PPL: variants seen among roughly 807,000 people sequenced by gnomAD.
PPL encodes the protein 190 kDa paraneoplastic pemphigus antigen.
Under a neutral mutation model 194.4 loss-of-function variants are expected in PPL, and 198 were observed. The observed-to-expected ratio is 1.02, with a 90% confidence interval of 0.91 to 1.15. PPL has a LOEUF of 1.15. Among genes scored for constraint, PPL ranks in the 50% most tolerant of loss-of-function variants. PPL has a pLI of 0.00. For synonymous variants in PPL, 1,220 were observed against 972.4 expected, an observed-to-expected ratio of 1.25 and a Z score of -4.74; for missense variants, 2,885 against 2,294.8, an observed-to-expected ratio of 1.26 and a Z score of -5.25.
chr16:4,895,817 C>T (rs994188904), intron 9 of PPL, 101 bp from the exon 10 acceptor site: 14 of 1,521,128 alleles, frequency 9.2e-6, no homozygotes, highest in African/African-American at 1.4e-5. Flanking sequence ...GCTGGGCCTC[C>T]GGTTCACCTG....
intron 15 of PPL, 43 bp from the exon 16 acceptor site, chr16:4,891,992 C>T (rs1383004196): frequency 9.3e-6 from 15 of 1,610,904 alleles, no homozygotes; most frequent in African/African-American, 1.3e-5. Context: ...CACCTGGCCC[C>T]CTGACCCCAC....
At position 4,883,029 on chromosome 16, in the gene PPL, T is replaced by G; in HGVS notation, c.*355A>C. 7.5e-6 allele frequency: 2 copies of G among 268,184 alleles called. No individual in the cohort carries two copies. The highest frequency in any genetic ancestry group is 1.4e-5 in the Non-Finnish European group (2 of 138,660). 16.6% of individuals were successfully genotyped at this position (268,184 alleles called of 1,614,324 possible). On this transcript the variant is annotated 3_prime_UTR_variant, in exon 22 of 22. Coordinates refer to ENST00000345988, the MANE Select transcript of PPL (RefSeq NM_002705.5). This position sits in a 1 kb window ranked among gnomAD's most constrained non-coding sequence, Gnocchi z 4.8. Reference sequence around the variant, plus strand: ...CCACCAGTACCCATGCTGCAAGGAGTGGGCTTGGCTGCTGTGGTTGGCTTG... The same window carrying G: ...CCACCAGTACCCATGCTGCAAGGAGGGGGCTTGGCTGCTGTGGTTGGCTTG...
intron 4 of PPL, among the ~76,000 whole-genome samples, chr16:4,901,396 T>A (rs879425991): frequency 6.6e-6 from 1 of 152,118 alleles, no homozygotes; most frequent in Non-Finnish European, 1.5e-5. Context: ...GCCAGTAACA[T>A]TGGGAAAGCT....
chr16:4,885,069 C>T lies in PPL; in HGVS notation c.3586G>A (p.Val1196Met), dbSNP rs1196037115. Reference sequence around the variant, plus strand: ...CCCCGGTACTTTCGCTCCTGCTCCACAAGCTCCAGGCGGAGGTTCGCCACT... The same window carrying T: ...CCCCGGTACTTTCGCTCCTGCTCCATAAGCTCCAGGCGGAGGTTCGCCACT... ...SEVANLRLEL[V>M]EQERKYRGAE... The change falls in exon 22 of 22, where the codon GTG (valine) becomes ATG (methionine). Residue 1196 changes from valine to methionine, a missense_variant. Coordinates refer to ENST00000345988, the MANE Select transcript of PPL (RefSeq NM_002705.5). This position sits in a 1 kb window ranked among gnomAD's most constrained non-coding sequence, Gnocchi z 6.3. The T allele has an allele frequency of 2.5e-6, 4 of 1,613,776 alleles. No individual in the cohort carries two copies. Among genetic ancestry groups the T allele is most frequent in the Admixed American group, 3.3e-5 (2 of 60,030 alleles).
Position 4,895,735 on chromosome 16 carries a change from C to T in PPL, c.973-19G>A. 6.2e-7 allele frequency: 1 copy of T among 1,613,568 alleles called. No individual in the cohort carries two copies. Among genetic ancestry groups the T allele is most frequent in the Non-Finnish European group, 8.5e-7 (1 of 1,179,982 alleles). On this transcript the variant is annotated intron_variant, in intron 9 of 21. Coordinates refer to ENST00000345988, the MANE Select transcript of PPL (RefSeq NM_002705.5). The stretch of plus-strand genomic sequence containing the variant: ...CGTGAAACTAGGGGAGAAGGTGGCT[C>T]TGTTACAGCCAGGAAACCACTAGAA...
chr16:4,894,762 C>A (rs1156286144), intron 11 of PPL, 144 bp from the exon 12 acceptor site: 1 of 916,534 alleles, frequency 1.1e-6, no homozygotes, highest in Non-Finnish European at 1.6e-6. Flanking sequence ...GAGGGGCATG[C>A]AGGAGAAGCA....
chr16:4,927,355 C>T (rs576558902), intron 1 of PPL, among the ~76,000 whole-genome samples: 15 of 152,328 alleles, frequency 9.8e-5, no homozygotes, highest in African/African-American at 2.9e-4. Context: ...TGGTTCCCAA[C>T]AGCTGCACAT....
chr16:4,918,568 T>C (rs539446576), intron 1 of PPL, among the ~76,000 whole-genome samples: 1 of 152,298 alleles, frequency 6.6e-6, no homozygotes, highest in East Asian at 1.9e-4. Context: ...AGTGAGTGAA[T>C]TGCATGGAAT....
chr16:4,892,643 C>G (rs892307610), intron 14 of PPL: 2 of 171,138 alleles, frequency 1.2e-5, no homozygotes, highest in Admixed American at 5.9e-5. Context: ...TGACTTGGCT[C>G]TCACTCTGAG....
At chr16:4,907,153 T>C (rs1425590757) in intron 2 of PPL, among the ~76,000 whole-genome samples, 1 of 150,876 alleles carries the variant, frequency 6.6e-6, no homozygotes, top group Non-Finnish European at 1.5e-5. Context: ...TCCCAGCTAC[T>C]TGGGAGGTTG....
chr16:4,925,112 G>A (rs2142416875), intron 1 of PPL, among the ~76,000 whole-genome samples: 1 of 152,284 alleles, frequency 6.6e-6, no homozygotes, highest in Non-Finnish European at 1.5e-5. Context: ...CATTGCTGCT[G>A]GAATGTCTGG....
rs201406268 is a variant in PPL, at chr16:4,884,204, C to T, written c.4451G>A (p.Arg1484Gln). ...QLLEGELETL[R>Q]RKLAALEKAE... ...CTTCTCCAGTGCAGCCAGTTTCCTC[C>T]GGAGGGTCTCGAGCTCCCCCTCCAG... Residue 1484 changes from arginine (R) to glutamine (Q), a missense_variant, in exon 22 of 22, where the codon CGG (arginine) becomes CAG (glutamine). Arg to Gln is a conservative substitution (Grantham distance 43). Transcript: ENST00000345988. This position sits in a 1 kb window ranked among gnomAD's most constrained non-coding sequence, Gnocchi z 5.7. 2.2e-5 allele frequency: 35 copies of T among 1,613,938 alleles called. No individual in the cohort carries two copies. The highest frequency in any genetic ancestry group is 6.7e-5 in the Admixed American group (4 of 60,004).
At chr16:4,908,162 CAAAAAAAAAAAAA>C (rs55889324) in intron 2 of PPL, among the ~76,000 whole-genome samples, 1 of 73,260 alleles carries the variant, frequency 1.4e-5, no homozygotes, top group African/African-American at 4.9e-5. Flanking sequence ...AGACTGTCTC[CAAAAAAAAAAAAA>C]AAAAAAGAAA....
At chr16:4,891,637 C>T (rs907809429) in intron 16 of PPL, 174 bp downstream of exon 16, 56 of 746,092 alleles carry the variant, frequency 7.5e-5, no homozygotes, top group African/African-American at 7.1e-4. Flanking sequence ...ACACAGATCC[C>T]GTGAATAGCT....
chr16:4,884,483 C>CG lies in PPL; in HGVS notation c.4171dup (p.Arg1391ProfsTer10). Reference sequence around the variant, plus strand: ...AAGCTCGGTGCGCCGGCGCTGCAGCCGCCGCAGCTCTGCCCGCAGCTTGTC... The same window carrying CG: ...AAGCTCGGTGCGCCGGCGCTGCAGCCGGCCGCAGCTCTGCCCGCAGCTTGTC... On this transcript the variant is annotated frameshift_variant, in exon 22 of 22. Coordinates refer to ENST00000345988, the MANE Select transcript of PPL (RefSeq NM_002705.5). LOFTEE classifies it high-confidence loss of function. This position sits in a 1 kb window ranked among gnomAD's most constrained non-coding sequence, Gnocchi z 5.7. The CG allele has an allele frequency of 6.2e-7, 1 of 1,603,586 alleles. No individual in the cohort carries two copies. The highest frequency in any genetic ancestry group is 2.2e-5 in the East Asian group (1 of 44,818).
intron 9 of PPL, 66 bp downstream of exon 9, chr16:4,897,609 A>G: frequency 7.8e-7 from 1 of 1,275,718 alleles, no homozygotes; most frequent in Non-Finnish European, 1.1e-6. Context: ...TGAGCCAGGT[A>G]GGCACTGAGC....
At chr16:4,919,645 T>C (rs945939213) in intron 1 of PPL, among the ~76,000 whole-genome samples, 2 of 152,124 alleles carry the variant, frequency 1.3e-5, no homozygotes, top group Admixed American at 6.5e-5. Flanking sequence ...TGTTCATGTA[T>C]GGGCCCAGGC....
rs1382616311 is a variant in PPL at position 4,883,633 on chromosome 16, G to T, written c.5022C>A (p.Ala1674=). The change falls in exon 22 of 22, where the codon GCC becomes GCA. Residue 1674 remains alanine (A), a synonymous_variant. Coordinates refer to ENST00000345988, the MANE Select transcript of PPL (RefSeq NM_002705.5). The surrounding 1 kb of genome is among the most constrained non-coding windows in gnomAD (Gnocchi z 4.8). The stretch of plus-strand genomic sequence containing the variant: ...TCCAGTCAATGAGCCCGGCACGGTG[G>T]GCTTCCTCCGGGGACAGCTCGCGGC... ...DTGRELSPEE[A]HRAGLIDWNM... The T allele has an allele frequency of 6.2e-7, 1 of 1,614,088 alleles. No homozygotes were observed. Among genetic ancestry groups the T allele is most frequent in the Non-Finnish European group, 8.5e-7 (1 of 1,180,046 alleles).
Position 4,886,025 on chromosome 16 carries a change from T to TGGGTGAC in PPL, c.2629_2630insGTCACCC (p.His877ArgfsTer4). On this transcript the variant is annotated frameshift_variant, in exon 22 of 22. Transcript: ENST00000345988. LOFTEE classifies it high-confidence loss of function. ...CGGCCTATTCCTTTGCAGGGTCTCA[T>TGGGTGAC]GGGTCACTTCTACTTCCGGCTGCTG... The TGGGTGAC allele has an allele frequency of 6.2e-7, 1 of 1,613,946 alleles. No homozygotes were observed. The highest frequency in any genetic ancestry group is 8.5e-7 in the Non-Finnish European group (1 of 1,180,022).
Sources: gnomAD v4.1 joint callset for allele counts (sites outside exome capture counted in the v4.1 genomes callset) on GRCh38, gnomAD v4.1.1 for gene constraint, Gnocchi (gnomAD v3.1) non-coding constraint, MANE v1.5 for transcripts, NCBI Gene and HGNC (gene_info 2026-07-23, HGNC 2026-07-21) for gene names.